ASTN2: variants seen among roughly 807,000 people sequenced by gnomAD.
ASTN2 encodes the protein astrotactin 2.
Under a neutral mutation model 139.8 loss-of-function variants are expected in ASTN2, and 54 were observed. The observed-to-expected ratio is 0.39, with a 90% CI of 0.31 to 0.48. The LOEUF (loss-of-function observed/expected upper bound fraction) is 0.48. ASTN2 is among the 20% of genes least tolerant of loss of function. ASTN2 has a pLI of 0.95. For synonymous variants in ASTN2, 756 were observed against 719.5 expected (o/e 1.05, Z -0.81); for missense variants, 1,565 against 1,725.1 (o/e 0.91, Z 1.64).
chr9:117,251,643 G>A (rs539922329), intron 2 of ASTN2, among the ~76,000 whole-genome samples: 51 of 152,282 alleles, frequency 3.3e-4, no homozygotes, highest in African/African-American at 1.2e-3. Context: ...TGAGTGATGG[G>A]GAGTTTCTAA....
chr9:116,450,028 C>G (rs1490368339), intron 20 of ASTN2, among the ~76,000 whole-genome samples: 1 of 152,232 alleles, frequency 6.6e-6, no homozygotes, highest in East Asian at 1.9e-4. Context: ...TGAGCAAAAT[C>G]AAATGGTGAT....
intron 17 of ASTN2, among the ~76,000 whole-genome samples, chr9:116,627,688 AG>A (rs1470216186): frequency 2.0e-5 from 3 of 152,228 alleles, no homozygotes; most frequent in African/African-American, 7.2e-5. Context: ...AAAATGTAGT[AG>A]AACCAGGACT....
At chr9:116,597,649 C>A (rs1854659219) in intron 19 of ASTN2, among the ~76,000 whole-genome samples, 1 of 151,902 alleles carries the variant, frequency 6.6e-6, no homozygotes, top group Admixed American at 6.6e-5. Flanking sequence ...TGAATGACTT[C>A]AGTCAAGTCA....
At chr9:117,318,398 C>T (rs564585763) in intron 1 of ASTN2, among the ~76,000 whole-genome samples, 3 of 152,262 alleles carry the variant, frequency 2.0e-5, no homozygotes, top group Non-Finnish European at 2.9e-5. Flanking sequence ...ATGACCACAG[C>T]GATCTTAGAG....
At chr9:116,503,676 T>A (rs1849985008) in intron 19 of ASTN2, among the ~76,000 whole-genome samples, 1 of 152,120 alleles carries the variant, frequency 6.6e-6, no homozygotes, top group African/African-American at 2.4e-5. Flanking sequence ...TATACACACA[T>A]GCACACATAC....
chr9:116,743,530 G>A (rs895293650), intron 13 of ASTN2, among the ~76,000 whole-genome samples: 52 of 152,122 alleles, frequency 3.4e-4, no homozygotes, highest in African/African-American at 1.2e-3. Flanking sequence ...GCACTCCAGT[G>A]AGACGGGATC....
chr9:116,513,571 T>C (rs923080876), intron 19 of ASTN2, among the ~76,000 whole-genome samples: 10 of 152,200 alleles, frequency 6.6e-5, no homozygotes, highest in Non-Finnish European at 1.2e-4. Context: ...GGGAAGCTCT[T>C]CTGGATATTA....
At chr9:116,947,569 G>A (rs1835432323) in intron 10 of ASTN2, among the ~76,000 whole-genome samples, 1 of 152,162 alleles carries the variant, frequency 6.6e-6, no homozygotes. Flanking sequence ...TATGCAGAAG[G>A]AGATTTCTTT....
chr9:116,913,450 C>T (rs1270694923), intron 10 of ASTN2, among the ~76,000 whole-genome samples: 1 of 152,162 alleles, frequency 6.6e-6, no homozygotes, highest in African/African-American at 2.4e-5. Context: ...ACAAGAACTC[C>T]AGGCTCTTTC....
At chr9:116,828,205 G>A (rs1351035977) in intron 11 of ASTN2, among the ~76,000 whole-genome samples, 1 of 151,090 alleles carries the variant, frequency 6.6e-6, no homozygotes, top group Admixed American at 6.6e-5. Context: ...GCTGAGGCAG[G>A]AGAATTGCTT....
At chr9:117,199,327 T>C (rs1011568586) in intron 3 of ASTN2, among the ~76,000 whole-genome samples, 1 of 152,194 alleles carries the variant, frequency 6.6e-6, no homozygotes, top group African/African-American at 2.4e-5. Flanking sequence ...AAGGAAGGGG[T>C]CCAGTTTCAC....
chr9:117,087,325 C>A (rs1828592574), intron 5 of ASTN2, among the ~76,000 whole-genome samples: 1 of 151,964 alleles, frequency 6.6e-6, no homozygotes, highest in Non-Finnish European at 1.5e-5. Context: ...GCCTTGACCT[C>A]CAGAGCTCAA....
At chr9:117,111,481 T>C (rs925894325) in intron 4 of ASTN2, among the ~76,000 whole-genome samples, 3 of 150,328 alleles carry the variant, frequency 2.0e-5, no homozygotes, top group Non-Finnish European at 4.4e-5. Flanking sequence ...AAGAAAATAA[T>C]CAATGGCTTT....
chr9:116,514,320 T>C (rs1205356061), intron 19 of ASTN2, among the ~76,000 whole-genome samples: 1 of 149,720 alleles, frequency 6.7e-6, no homozygotes, highest in Non-Finnish European at 1.5e-5. Flanking sequence ...ACATCGAATA[T>C]TGCTGAACAG....
intron 10 of ASTN2, among the ~76,000 whole-genome samples, chr9:116,884,075 A>G (rs1293344548): frequency 6.6e-6 from 1 of 152,180 alleles, no homozygotes; most frequent in Non-Finnish European, 1.5e-5. Context: ...TGAGGCAAGT[A>G]GAAGGTAAAG....
At chr9:116,719,844 G>A (rs992043393) in intron 16 of ASTN2, among the ~76,000 whole-genome samples, 2 of 152,040 alleles carry the variant, frequency 1.3e-5, no homozygotes, top group Admixed American at 6.6e-5. Context: ...AACACAGAAA[G>A]TGCCTCACAC....
chr9:116,471,489 G>A (rs1848810796), intron 20 of ASTN2, among the ~76,000 whole-genome samples: 1 of 152,166 alleles, frequency 6.6e-6, no homozygotes, highest in Non-Finnish European at 1.5e-5. Flanking sequence ...TCCTGACCCA[G>A]CCAGGGGTCT....
At chr9:116,824,009 T>C (rs893268761) in intron 11 of ASTN2, among the ~76,000 whole-genome samples, 1 of 152,216 alleles carries the variant, frequency 6.6e-6, no homozygotes, top group Non-Finnish European at 1.5e-5. Flanking sequence ...ACCATGTGGC[T>C]TGTCCTAAGC....
At chr9:117,234,201 G>A (rs1832977704) in intron 2 of ASTN2, among the ~76,000 whole-genome samples, 1 of 152,184 alleles carries the variant, frequency 6.6e-6, no homozygotes, top group African/African-American at 2.4e-5. Flanking sequence ...AGCAAAGGCA[G>A]CAGTGGTACT....
Sources: allele counts gnomAD v4.1 joint callset (sites outside exome capture counted in the v4.1 genomes callset), GRCh38; gene constraint gnomAD v4.1.1; transcripts MANE v1.5; gene names NCBI Gene and HGNC (gene_info 2026-07-23, HGNC 2026-07-21).